The following EML2 variants were observed in gnomAD, a reference collection of about 807,000 sequenced individuals.
EML2 encodes the protein echinoderm microtubule-associated protein-like 2.
Under a neutral mutation model 84.7 loss-of-function variants are expected in EML2, and 59 were observed. The ratio of observed to expected loss-of-function variants is 0.70; its 90% CI spans 0.56 to 0.86. The LOEUF is 0.86. EML2 is among the 40% of genes least tolerant of loss of function. EML2 has a pLI of 0.00. For synonymous variants in EML2, 352 were observed against 348.9 expected (o/e 1.01, Z -0.10); for missense variants, 818 against 855.6 (o/e 0.96, Z 0.55).
intron 15 of EML2, chr19:45,616,221 C>T (rs994047519): frequency 3.8e-6 from 2 of 529,416 alleles, no homozygotes; most frequent in Non-Finnish European, 6.7e-6. Context: ...GAGGGGCGGT[C>T]TCGGAACGTG....
At chr19:45,631,968 C>T (rs898841004) in intron 6 of EML2, among the ~76,000 whole-genome samples, 3 of 141,620 alleles carry the variant, frequency 2.1e-5, no homozygotes, top group African/African-American at 7.9e-5. Context: ...CTCGGCGGCT[C>T]ACTGCAAACT....
At chr19:45,629,874 T>G in intron 7 of EML2, 77 bp downstream of exon 7, 1 of 1,166,138 alleles carries the variant, frequency 8.6e-7, no homozygotes, top group Non-Finnish European at 1.3e-6. Flanking sequence ...TCTATCTGAT[T>G]GCAGACTCCT....
In EML2 at chr19:45,619,170, C is replaced by G. The variant is rs1471823355; in HGVS notation, c.1144G>C (p.Gly382Arg). The G allele has an allele frequency of 6.2e-7, 1 of 1,611,386 alleles. No individual in the cohort carries two copies. The highest frequency in any genetic ancestry group is 8.5e-7 in the Non-Finnish European group (1 of 1,179,394). ...GCCCGACTGGGGTGTGTGGCCAGGC[C>G]CCACAGCTCTTCCACATGGCCCTGG... is the stretch of plus-strand genomic sequence containing the variant. ...LVQGHVEELW[G>R]LATHPSRAQF... The change falls in exon 12 of 19, where the codon GGC (glycine) becomes CGC (arginine). Residue 382 changes from glycine to arginine, a missense_variant. By Grantham distance (125) the Gly-to-Arg change is moderately radical (BLOSUM62 -2). Coordinates refer to ENST00000245925, the MANE Select transcript of EML2 (RefSeq NM_012155.4).
In EML2 at chr19:45,615,816, T is replaced by C. The variant is rs761930807; in HGVS notation, c.1583A>G (p.Tyr528Cys). 6 of 1,613,132 alleles carry C rather than the reference T, an allele frequency of 3.7e-6. No homozygotes were observed. The highest frequency in any genetic ancestry group is 1.7e-5 in the Admixed American group (1 of 59,940). The change falls in exon 16 of 19, where the codon TAT becomes TGT. Residue 528 changes from tyrosine to cysteine, a missense_variant. Tyr to Cys is a radical substitution (Grantham distance 194). Coordinates refer to ENST00000245925, the MANE Select transcript of EML2 (RefSeq NM_012155.4). ...GGAGAACTCACAGTACAGAATCTCA[T>C]AGTCCCCGGAGTTGGTGACAAAGCA... Reference protein sequence around the residue: ...SSCFVTNSGDYEILYWDPATC... With the variant: ...SSCFVTNSGDCEILYWDPATC...
At chr19:45,620,200 G>T (rs1038484139) in intron 11 of EML2, among the ~76,000 whole-genome samples, 3 of 151,862 alleles carry the variant, frequency 2.0e-5, no homozygotes, top group Non-Finnish European at 4.4e-5. Flanking sequence ...TGCAACCTCT[G>T]CCTCCCAGGT....
At chr19:45,625,021 G>C (rs1256559959) in intron 8 of EML2, among the ~76,000 whole-genome samples, 1 of 152,090 alleles carries the variant, frequency 6.6e-6, no homozygotes, top group African/African-American at 2.4e-5. Flanking sequence ...GACCACAATT[G>C]TCTTGCTTTC....
chr19:45,615,761 GAGA>G (rs1568435939), intron 16 of EML2, 38 bp downstream of exon 16: 3 of 1,474,788 alleles, frequency 2.0e-6, no homozygotes. Context: ...GTCTGCAAAT[GAGA>G]CGGAGGAAGT....
At chr19:45,639,113 C>A in intron 1 of EML2, 1 of 682,294 alleles carries the variant, frequency 1.5e-6, no homozygotes, top group South Asian at 1.8e-5. Flanking sequence ...GTGGCAGGGA[C>A]GCGATCCTGG....
chr19:45,645,371 G>A, upstream of EML2: 1 of 1,523,606 alleles, frequency 6.6e-7, no homozygotes, highest in Non-Finnish European at 8.8e-7. Flanking sequence ...GGCCCCCCCG[G>A]TCCCAGCCCG....
At chr19:45,642,174 G>T (rs1029505684), upstream of EML2, 29 of 1,528,744 alleles carry the variant, frequency 1.9e-5, no homozygotes, top group Admixed American at 6.0e-5. Flanking sequence ...CCCGGCCCTT[G>T]GGGGTGCCCC....
intron 3 of EML2, among the ~76,000 whole-genome samples, chr19:45,637,553 A>C (rs1012126912): frequency 2.8e-5 from 4 of 142,290 alleles, no homozygotes; most frequent in African/African-American, 8.0e-5. Flanking sequence ...ATCATGGCTC[A>C]CTGCAACCTC....
At chr19:45,635,391 G>A (rs543147559) in intron 3 of EML2, among the ~76,000 whole-genome samples, 59 of 151,812 alleles carry the variant, frequency 3.9e-4, no homozygotes, top group Non-Finnish European at 6.3e-4. Flanking sequence ...CACCCACCTT[G>A]GTCTCCCAAA....
At chr19:45,632,781 A>C in intron 6 of EML2, 80 bp downstream of exon 6, 1 of 1,255,140 alleles carries the variant, frequency 8.0e-7, no homozygotes, top group Non-Finnish European at 1.1e-6. Context: ...CCCTCAACCC[A>C]AGGGGCGGGT....
upstream of EML2, among the ~76,000 whole-genome samples, chr19:45,639,670 C>T (rs1444161639): frequency 6.6e-6 from 1 of 152,132 alleles, no homozygotes; most frequent in Non-Finnish European, 1.5e-5. Context: ...CAACCTCTGC[C>T]TCGGTTTCCT....
intron 18 of EML2, among the ~76,000 whole-genome samples, chr19:45,611,471 T>C (rs1970487382): frequency 7.3e-6 from 1 of 136,460 alleles, no homozygotes; most frequent in Admixed American, 7.5e-5. Context: ...CTTGTGGATA[T>C]GTAACAATTC....
intron 14 of EML2, 65 bp downstream of exon 14, chr19:45,616,699 CT>C: frequency 6.6e-7 from 1 of 1,505,858 alleles, no homozygotes; most frequent in African/African-American, 1.4e-5. Context: ...ACCCCTCCCC[CT>C]GCCAAGAGCT....
intron 4 of EML2, among the ~76,000 whole-genome samples, chr19:45,633,449 C>T (rs1208673641): frequency 1.4e-5 from 2 of 139,020 alleles, no homozygotes; most frequent in African/African-American, 5.2e-5. Context: ...GTCTGGAGTG[C>T]CTATTCAGTT....
intron 7 of EML2, among the ~76,000 whole-genome samples, chr19:45,629,417 C>T (rs966494889): frequency 4.6e-5 from 7 of 152,172 alleles, no homozygotes; most frequent in Non-Finnish European, 8.8e-5. Context: ...CCTCCGCCTC[C>T]GGGTTCAAGA....
intron 12 of EML2, among the ~76,000 whole-genome samples, chr19:45,618,511 C>T (rs1207285731): frequency 1.3e-5 from 2 of 152,012 alleles, no homozygotes; most frequent in African/African-American, 4.8e-5. Flanking sequence ...GCTCCTGACT[C>T]CCCCCTCCTC....
Sources: allele counts gnomAD v4.1 joint callset (sites outside exome capture counted in the v4.1 genomes callset), GRCh38; gene constraint gnomAD v4.1.1; transcripts MANE v1.5; gene names NCBI Gene and HGNC (gene_info 2026-07-23, HGNC 2026-07-21).